Variants in HACE1 observed in about 807,000 individuals in gnomAD.
HACE1 encodes E3 ubiquitin-protein ligase HACE1.
In HACE1, 73 loss-of-function variants were observed where a neutral mutation model predicts 118.4. The observed-to-expected ratio is 0.62, with a 90% CI of 0.51 to 0.75. HACE1 has a LOEUF of 0.75. Among genes scored for constraint, HACE1 ranks in the 30% least tolerant of loss-of-function variants. HACE1 has a pLI of 0.00. For missense variants in HACE1, 749 were observed against 1,102.2 expected (o/e 0.68, Z 4.54); for synonymous variants, 368 against 374.8 (o/e 0.98, Z 0.21).
chr6:104,829,686 A>C (rs1773669134), intron 6 of HACE1, among the ~76,000 whole-genome samples: 1 of 152,100 alleles, frequency 6.6e-6, no homozygotes, highest in African/African-American at 2.4e-5. Flanking sequence ...GACAGAATAA[A>C]TCCTGTTGGC....
chr6:104,744,000 T>C (rs1378568012), intron 22 of HACE1, among the ~76,000 whole-genome samples, 160 bp downstream of exon 22: 1 of 152,126 alleles, frequency 6.6e-6, no homozygotes, highest in Non-Finnish European at 1.5e-5. Context: ...ATGTCTTATC[T>C]TTAATACCAA....
intron 5 of HACE1, among the ~76,000 whole-genome samples, chr6:104,835,500 A>T (rs907962352): frequency 1.3e-5 from 2 of 152,262 alleles, no homozygotes; most frequent in South Asian, 2.1e-4. Flanking sequence ...TCAAAACAAG[A>T]ATTAGGAGAT....
intron 22 of HACE1, among the ~76,000 whole-genome samples, chr6:104,734,661 T>C (rs1054969461): frequency 1.3e-5 from 2 of 152,144 alleles, no homozygotes; most frequent in South Asian, 4.1e-4. Context: ...ACCCACATCT[T>C]TCACCTCCAT....
At chr6:104,848,381 G>A (rs1420069481) in intron 4 of HACE1, among the ~76,000 whole-genome samples, 5 of 150,750 alleles carry the variant, frequency 3.3e-5, no homozygotes, top group African/African-American at 4.9e-5. Context: ...ACTTGAACTC[G>A]GGAGATAGAG....
chr6:104,852,362 G>C lies in HACE1; in HGVS notation c.86C>G (p.Thr29Ser), dbSNP rs759136842. 5 of 1,577,322 alleles carry C rather than the reference G, an allele frequency of 3.2e-6. No individual in the cohort carries two copies. In the Middle Eastern group the frequency reaches 6.7e-4, roughly 211 times the overall value. Residue 29 changes from threonine to serine, a missense_variant, in exon 2 of 24, where the codon ACT becomes AGT. Thr to Ser is a moderately conservative substitution (Grantham distance 58). Around this residue, in one of 5 missense-constraint regions of HACE1, gnomAD observed 120 missense variants for 219.1 expected, o/e 0.55. Coordinates refer to ENST00000262903, the MANE Select transcript of HACE1 (RefSeq NM_020771.4). The part of the protein sequence containing the change: ...RTVELPEDNE[T>S]AVYTLMPMVM... The stretch of plus-strand genomic sequence containing the variant: ...CATTGGCATTAATGTATAAACAGCA[G>C]TTTCATTATCTGAGTAAAAAAAAAC...
chr6:104,790,288 A>G (rs1782889246), intron 11 of HACE1, among the ~76,000 whole-genome samples: 1 of 152,078 alleles, frequency 6.6e-6, no homozygotes, highest in Non-Finnish European at 1.5e-5. Flanking sequence ...TTTTGCAAAA[A>G]TTTTCCATGT....
intron 6 of HACE1, among the ~76,000 whole-genome samples, chr6:104,826,805 T>A (rs1346047770): frequency 6.6e-6 from 1 of 152,158 alleles, no homozygotes; most frequent in African/African-American, 2.4e-5. Flanking sequence ...TTTAAAAAAA[T>A]TTAGAATTGC....
At chr6:104,744,394 AATTT>A in intron 21 of HACE1, 114 bp downstream of exon 21, 2 of 809,162 alleles carry the variant, frequency 2.5e-6, no homozygotes, top group South Asian at 2.8e-5. Flanking sequence ...CCACAAGAAT[AATTT>A]GGGTAAACAC....
intron 22 of HACE1, chr6:104,732,148 T>C (rs760674890): frequency 1.3e-5 from 2 of 152,176 alleles, no homozygotes; most frequent in Non-Finnish European, 2.9e-5. Context: ...AGTATGCAAG[T>C]TCCTCAACAA....
chr6:104,771,918 G>GC lies in HACE1; in HGVS notation c.2014+6dup. ...AAATGTCTGCAGAAATAATAATAGA[G>GC]CCATACCAAGAATGTGCTTGTAGAA... On this transcript the variant is annotated splice_region_variant and intron_variant, in intron 18 of 23. Coordinates refer to ENST00000262903, the MANE Select transcript of HACE1 (RefSeq NM_020771.4). The GC allele has an allele frequency of 6.4e-7, 1 of 1,564,266 alleles. No homozygotes were observed. Among genetic ancestry groups the GC allele is most frequent in the Non-Finnish European group, 8.8e-7 (1 of 1,135,546 alleles).
intron 7 of HACE1, among the ~76,000 whole-genome samples, chr6:104,807,847 G>T (rs954641405): frequency 6.6e-6 from 1 of 151,986 alleles, no homozygotes. Flanking sequence ...CATAATTTTA[G>T]GTCAAAATCC....
At chr6:104,754,069 T>C (rs1401980869) in intron 19 of HACE1, among the ~76,000 whole-genome samples, 1 of 152,124 alleles carries the variant, frequency 6.6e-6, no homozygotes, top group Non-Finnish European at 1.5e-5. Flanking sequence ...ATAACAGATC[T>C]AATGGAGCTG....
chr6:104,748,868 T>C (rs1343400358), intron 20 of HACE1, among the ~76,000 whole-genome samples: 1 of 152,168 alleles, frequency 6.6e-6, no homozygotes, highest in Non-Finnish European at 1.5e-5. Context: ...GTCAGGAGAA[T>C]GGTTACCCTT....
In HACE1 at chr6:104,818,455, A is replaced by C. The variant is rs55829237; in HGVS notation, c.535-7062T>G. On this transcript the variant is annotated intron_variant, in intron 6 of 23. Coordinates refer to ENST00000262903, the MANE Select transcript of HACE1 (RefSeq NM_020771.4). ...TGAATTCACAGCTGAATTCCACCAG[A>C]TATACAAAGAAAAGCTGCTACCATT... 7.3e-3 allele frequency among the ~76,000 whole-genome samples: 1,118 copies of C among 152,244 alleles called. 15 individuals are homozygous for C. The highest frequency in any genetic ancestry group is 0.026 in the African/African-American group (1,076 of 41,556).
intron 19 of HACE1, among the ~76,000 whole-genome samples, chr6:104,754,153 C>A (rs566572740): frequency 6.7e-6 from 1 of 148,456 alleles, no homozygotes; most frequent in Admixed American, 6.7e-5. Context: ...GAGGAAAGAA[C>A]CTCAGAGCTT....
intron 6 of HACE1, among the ~76,000 whole-genome samples, chr6:104,831,980 GAGGAAGGAAGGA>G (rs71276551): frequency 0.022 from 1,359 of 62,674 alleles, 32 homozygotes; most frequent in African/African-American, 0.036. Context: ...GAAGAGAAGA[GAGGAAGGAAGGA>G]AGGAAGGAAG....
intron 9 of HACE1, 148 bp downstream of exon 9, chr6:104,796,507 C>T (rs1769649426): frequency 2.9e-6 from 2 of 680,184 alleles, no homozygotes; most frequent in African/African-American, 1.8e-5. Flanking sequence ...ATCTAATTCA[C>T]ACTTATCCTA....
chr6:104,779,595 C>T (rs1781533200), intron 14 of HACE1, among the ~76,000 whole-genome samples: 1 of 152,028 alleles, frequency 6.6e-6, no homozygotes. Context: ...ATATAAAGTA[C>T]TTGAAATTCT....
intron 14 of HACE1, among the ~76,000 whole-genome samples, chr6:104,778,970 T>C (rs1312648926): frequency 5.3e-5 from 8 of 152,048 alleles, no homozygotes. Flanking sequence ...AAAGATATAG[T>C]GGGGTGTAAC....
Sources: allele counts gnomAD v4.1 joint callset (sites outside exome capture counted in the v4.1 genomes callset), GRCh38; gene constraint gnomAD v4.1.1; regional missense constraint gnomAD v4.1.1; transcripts MANE v1.5; gene names NCBI Gene and HGNC (gene_info 2026-07-23, HGNC 2026-07-21).